GUCY1A2: variants seen among roughly 807,000 people sequenced by gnomAD.
GUCY1A2 encodes the protein guanylate cyclase 1 soluble subunit alpha 2, also known as guanylate cyclase soluble subunit alpha-2.
Under a neutral mutation model 63.5 loss-of-function variants are expected in GUCY1A2, and 27 were observed. The ratio of observed to expected loss-of-function variants is 0.43; its 90% CI spans 0.31 to 0.59. GUCY1A2 has a LOEUF of 0.59. GUCY1A2 is among the 20% of genes least tolerant of loss of function. The pLI is 0.11. For synonymous variants in GUCY1A2, 364 were observed against 343.5 expected (o/e 1.06, Z -0.66); for missense variants, 768 against 913.3 (o/e 0.84, Z 2.05).
chr11:107,011,660 C>G (rs1444908452), intron 1 of GUCY1A2, among the ~76,000 whole-genome samples: 3 of 146,978 alleles, frequency 2.0e-5, no homozygotes, highest in Non-Finnish European at 4.5e-5. Flanking sequence ...GTCAGAGTGT[C>G]TGACTTCTAC....
chr11:106,897,446 C>T (rs1860066248), intron 4 of GUCY1A2, among the ~76,000 whole-genome samples: 1 of 151,786 alleles, frequency 6.6e-6, no homozygotes. Flanking sequence ...AACCTCAAGA[C>T]TTATTATAGA....
intron 4 of GUCY1A2, among the ~76,000 whole-genome samples, chr11:106,877,592 G>A (rs1859767309): frequency 6.6e-6 from 1 of 151,992 alleles, no homozygotes; most frequent in Non-Finnish European, 1.5e-5. Flanking sequence ...GACTGAAACT[G>A]GACCCTTCCT....
At chr11:106,774,797 CTCT>C (rs1864325794) in intron 6 of GUCY1A2, among the ~76,000 whole-genome samples, 1 of 152,160 alleles carries the variant, frequency 6.6e-6, no homozygotes, top group South Asian at 2.1e-4. Context: ...AGTGAACAAG[CTCT>C]TGCTTCATCT....
rs575708457 is a variant in GUCY1A2 at position 106,917,256 on chromosome 11, A to T, written c.1206+22204T>A. Among the ~76,000 whole-genome samples the T allele has an allele frequency of 1.3e-3, 191 of 145,506 alleles. 20 individuals carry two copies. Among genetic ancestry groups the T allele is most frequent in the Non-Finnish European group, 2.6e-3 (168 of 64,776 alleles). Reference sequence around the variant, plus strand: ...AGGGAAAGAGCATTTCAGACGAAACAAGCAGCATATTCAAAGGCCCTGTGG... The same window carrying T: ...AGGGAAAGAGCATTTCAGACGAAACTAGCAGCATATTCAAAGGCCCTGTGG... On this transcript the variant is annotated intron_variant, in intron 4 of 7. Transcript: ENST00000526355.
At chr11:106,704,144 A>T (rs1862865663) in intron 7 of GUCY1A2, among the ~76,000 whole-genome samples, 1 of 152,150 alleles carries the variant, frequency 6.6e-6, no homozygotes, top group African/African-American at 2.4e-5. Context: ...AAATTTCCAG[A>T]TGAGGTCTGT....
intron 6 of GUCY1A2, among the ~76,000 whole-genome samples, chr11:106,747,119 C>T (rs968615362): frequency 6.6e-6 from 1 of 152,094 alleles, no homozygotes; most frequent in East Asian, 1.9e-4. Context: ...TCCCAAATAG[C>T]TCGGACTACA....
intron 4 of GUCY1A2, among the ~76,000 whole-genome samples, chr11:106,854,620 C>T (rs971220892): frequency 6.6e-6 from 1 of 152,038 alleles, no homozygotes; most frequent in Non-Finnish European, 1.5e-5. Flanking sequence ...TCAACAGTGG[C>T]GATCAGGGCA....
At chr11:106,879,331 T>C (rs1859793146) in intron 4 of GUCY1A2, among the ~76,000 whole-genome samples, 1 of 152,110 alleles carries the variant, frequency 6.6e-6, no homozygotes, top group African/African-American at 2.4e-5. Flanking sequence ...CCTTGTCCTC[T>C]AGAATAATAT....
intron 4 of GUCY1A2, among the ~76,000 whole-genome samples, chr11:106,913,232 A>C (rs1452962435): frequency 6.6e-6 from 1 of 152,138 alleles, no homozygotes. Context: ...CTATAAAGGA[A>C]TGCCTGAAGC....
chr11:106,996,263 G>A (rs1202652087), intron 1 of GUCY1A2, among the ~76,000 whole-genome samples: 3 of 152,058 alleles, frequency 2.0e-5, no homozygotes, highest in African/African-American at 4.8e-5. Flanking sequence ...AAGGGGAGGG[G>A]AATTGTTTAT....
intron 4 of GUCY1A2, among the ~76,000 whole-genome samples, chr11:106,835,521 A>G (rs1354232749): frequency 1.3e-5 from 2 of 151,872 alleles, no homozygotes; most frequent in Non-Finnish European, 2.9e-5. Flanking sequence ...TAAATTTTGA[A>G]GTACCAGATT....
intron 4 of GUCY1A2, among the ~76,000 whole-genome samples, chr11:106,859,934 C>T (rs1859486520): frequency 6.6e-6 from 1 of 151,796 alleles, no homozygotes; most frequent in Non-Finnish European, 1.5e-5. Flanking sequence ...GATGAAATCA[C>T]CTAAAAATGC....
chr11:106,779,361 A>G (rs1463994340), intron 5 of GUCY1A2, among the ~76,000 whole-genome samples: 2 of 152,224 alleles, frequency 1.3e-5, no homozygotes, highest in African/African-American at 2.4e-5. Flanking sequence ...ATAAACATCT[A>G]AAATGTGCCT....
At chr11:106,976,470 C>G (rs986985208) in intron 3 of GUCY1A2, among the ~76,000 whole-genome samples, 1 of 152,124 alleles carries the variant, frequency 6.6e-6, no homozygotes, top group African/African-American at 2.4e-5. Context: ...TTAATCATAG[C>G]TCAGTGACTT....
intron 5 of GUCY1A2, among the ~76,000 whole-genome samples, chr11:106,808,775 A>T (rs1455281411): frequency 6.6e-6 from 1 of 152,130 alleles, no homozygotes; most frequent in East Asian, 1.9e-4. Flanking sequence ...AGTGATGCCA[A>T]ATTCAGCTGA....
At chr11:106,771,288 G>GT (rs1468853455) in intron 6 of GUCY1A2, among the ~76,000 whole-genome samples, 1 of 152,140 alleles carries the variant, frequency 6.6e-6, no homozygotes, top group Non-Finnish European at 1.5e-5. Flanking sequence ...AACTATTAGT[G>GT]TAAGTTAGCC....
At chr11:106,837,955 G>A (rs1303777683) in intron 4 of GUCY1A2, among the ~76,000 whole-genome samples, 2 of 151,854 alleles carry the variant, frequency 1.3e-5, no homozygotes, top group Non-Finnish European at 2.9e-5. Flanking sequence ...TCAAGATCCT[G>A]TCTTACTCCA....
At chr11:106,742,949 A>T (rs1367572035) in intron 6 of GUCY1A2, among the ~76,000 whole-genome samples, 1 of 152,156 alleles carries the variant, frequency 6.6e-6, no homozygotes, top group Non-Finnish European at 1.5e-5. Context: ...AGGTTTTGCT[A>T]ATATGGAAAA....
At chr11:106,838,390 T>A (rs1001463275) in intron 4 of GUCY1A2, among the ~76,000 whole-genome samples, 1 of 152,022 alleles carries the variant, frequency 6.6e-6, no homozygotes, top group Non-Finnish European at 1.5e-5. Context: ...AATGAAAATG[T>A]ATAAAGTTGA....
Sources: gnomAD v4.1 joint callset for allele counts (sites outside exome capture counted in the v4.1 genomes callset) on GRCh38, gnomAD v4.1.1 for gene constraint, MANE v1.5 for transcripts, NCBI Gene and HGNC (gene_info 2026-07-23, HGNC 2026-07-21) for gene names.